Variants in LTBP4 observed in about 807,000 individuals in gnomAD.
The protein encoded by LTBP4 is latent transforming growth factor beta binding protein 4, also known as latent-transforming growth factor beta-binding protein 4.
LTBP4 carries 93 observed loss-of-function variants against 180.2 expected under a neutral mutation model. The ratio of observed to expected loss-of-function variants is 0.52; its 90% CI spans 0.44 to 0.61. The LOEUF is 0.61. Among genes scored for constraint, LTBP4 ranks in the 20% least tolerant of loss-of-function variants. The pLI, the probability that LTBP4 is intolerant of heterozygous loss-of-function variation, is 0.00. For synonymous variants in LTBP4, 947 were observed against 934.5 expected (o/e 1.01, Z -0.24); for missense variants, 2,116 against 2,256.5 (o/e 0.94, Z 1.26).
Position 40,622,866 on chromosome 19 carries a change from G to T in LTBP4, c.3485-84G>T. 1 of 1,462,768 alleles carries T rather than the reference G, an allele frequency of 6.8e-7. No individual in the cohort carries two copies. The highest frequency in any genetic ancestry group is 1.2e-5 in the South Asian group (1 of 81,158). The allele number at this position is 1,462,768 out of a possible 1,614,324, so 90.6% of individuals were successfully genotyped here. ...GCACTAACAGGCACAGGGCCAGAGGGACTTTTGTGACAAGTGGGCACGAGC... is the reference window on the plus strand; with the variant it reads ...GCACTAACAGGCACAGGGCCAGAGGTACTTTTGTGACAAGTGGGCACGAGC... On this transcript the variant is annotated intron_variant, in intron 23 of 29. Coordinates refer to ENST00000396819, the MANE Select transcript of LTBP4 (RefSeq NM_001042545.2). The surrounding 1 kb of genome is among the most constrained non-coding windows in gnomAD (Gnocchi z 5.1).
In LTBP4 at chr19:40,613,466, G is replaced by A. The variant is rs770789022; in HGVS notation, c.2494G>A (p.Gly832Ser). 1.3e-6 allele frequency: 2 copies of A among 1,597,184 alleles called. No individual in the cohort carries two copies. The highest frequency in any genetic ancestry group is 1.7e-6 in the Non-Finnish European group (2 of 1,172,410). The change falls in exon 17 of 30, where the codon GGC (glycine) becomes AGC (serine). Residue 832 changes from glycine (G) to serine (S), a missense_variant. Around this residue, in one of 5 missense-constraint regions of LTBP4, gnomAD observed 877 missense variants for 873.6 expected, o/e 1.00. Coordinates refer to ENST00000396819, the MANE Select transcript of LTBP4 (RefSeq NM_001042545.2). The surrounding 1 kb of genome is among the most constrained non-coding windows in gnomAD (Gnocchi z 5.0). ...FPHGECLNTD[G>S]SFACTCAPGY... ...TCACGGCGAGTGCCTCAACACTGAC[G>A]GCTCCTTTGCCTGTACTTGTGCCCC...
chr19:40,627,178 G>T lies in LTBP4; in HGVS notation c.4189G>T (p.Ala1397Ser). ...PPPGPFARRE[A>S]PYGAPRFDMP... ...ACCTGGGCCCTTCGCCCGCCGGGAG[G>T]CTCCTTATGGGGCACCCCGCTTCGA... The change falls in exon 28 of 30, where the codon GCT becomes TCT. Residue 1397 changes from alanine (A) to serine (S), a missense_variant. Ala to Ser is a moderately conservative substitution (Grantham distance 99). This residue lies in a region of LTBP4 where 488 missense variants were observed against 458.8 expected (regional missense o/e 1.06). Transcript: ENST00000396819. 1.9e-6 allele frequency: 3 copies of T among 1,613,144 alleles called. No homozygotes were observed. Among genetic ancestry groups the T allele is most frequent in the Non-Finnish European group, 8.5e-7 (1 of 1,179,638 alleles).
In LTBP4 at chr19:40,627,334, C is replaced by G. The variant is rs1015881478; in HGVS notation, c.4345C>G (p.Pro1449Ala). Residue 1449 changes from proline to alanine, a missense_variant, in exon 28 of 30, where the codon CCT becomes GCT. Physicochemically the swap from Pro to Ala is conservative, Grantham distance 27. Coordinates refer to ENST00000396819, the MANE Select transcript of LTBP4 (RefSeq NM_001042545.2). Reference protein sequence around the residue: ...RRSFPEPEEPPEGGSYAGSLA... With the variant: ...RRSFPEPEEPAEGGSYAGSLA... ...CTCCTTCCCAGAGCCCGAGGAGCCT[C>G]CTGAAGGTGGAAGCTATGCTGGTGA... The G allele has an allele frequency of 6.6e-7, 1 of 1,515,624 alleles. No individual in the cohort carries two copies. Among genetic ancestry groups the G allele is most frequent in the South Asian group, 1.2e-5 (1 of 80,154 alleles). The allele number at this position is 1,515,624 out of a possible 1,614,324, so 93.9% of individuals were successfully genotyped here. A position where few individuals can be genotyped will look rare whatever the true frequency, so the allele number is the denominator to read the frequency against.
At chr19:40,617,071 G>T (rs772727846) in intron 20 of LTBP4, 29 bp from the exon 21 acceptor site, 10 of 1,613,912 alleles carry the variant, frequency 6.2e-6, no homozygotes, top group Non-Finnish European at 8.5e-6. Flanking sequence ...AGAAGGTCCA[G>T]AAATGGCCTG....
At position 40,619,347 on chromosome 19, in the gene LTBP4, A is replaced by T; in HGVS notation, c.3071A>T (p.Asp1024Val). ...CTCCCCTGTTGTCTCCTGCTTACAGATGTGAACGAGTGTGAAACACTACAG... is the reference window on the plus strand; with the variant it reads ...CTCCCCTGTTGTCTCCTGCTTACAGTTGTGAACGAGTGTGAAACACTACAG... The part of the protein sequence containing the change: ...EGARDGRHCV[D>V]VNECETLQGV... Residue 1024 changes from aspartate (D) to valine (V), a missense_variant and splice_region_variant, in exon 22 of 30, where the codon GAT (aspartate) becomes GTT (valine). By Grantham distance (152) the Asp-to-Val change is radical. Coordinates refer to ENST00000396819, the MANE Select transcript of LTBP4 (RefSeq NM_001042545.2). The T allele has an allele frequency of 6.2e-7, 1 of 1,613,490 alleles. No homozygotes were observed. The highest frequency in any genetic ancestry group is 8.5e-7 in the Non-Finnish European group (1 of 1,179,558).
In LTBP4 at chr19:40,609,776, C is replaced by T. The variant is rs759904181; in HGVS notation, c.1589C>T (p.Pro530Leu). The T allele has an allele frequency of 8.7e-6, 14 of 1,612,022 alleles. No homozygotes were observed. The highest frequency in any genetic ancestry group is 1.0e-5 in the Non-Finnish European group (12 of 1,178,992). ...GACGAATGTCGCCGCGTGCCCCCGC[C>T]CTGTGCTCCCGGGCGCTGCGAGAAC... is the stretch of plus-strand genomic sequence containing the variant. ...DVDECRRVPP[P>L]CAPGRCENSP... The change falls in exon 11 of 30, where the codon CCC becomes CTC. Residue 530 changes from proline (P) to leucine (L), a missense_variant. By Grantham distance (98) the Pro-to-Leu change is moderately conservative. Coordinates refer to ENST00000396819, the MANE Select transcript of LTBP4 (RefSeq NM_001042545.2). This position sits in a 1 kb window ranked among gnomAD's most constrained non-coding sequence, Gnocchi z 4.9.
chr19:40,621,580 A>G (rs1273797236), intron 22 of LTBP4, among the ~76,000 whole-genome samples: 1 of 152,026 alleles, frequency 6.6e-6, no homozygotes, highest in Non-Finnish European at 1.5e-5. Flanking sequence ...GGAGGCTGGG[A>G]GCTCAGGGAA....
chr19:40,627,861 A>C lies in LTBP4; in HGVS notation c.4519+4A>C. 2 of 1,559,184 alleles carry C rather than the reference A, an allele frequency of 1.3e-6. No individual in the cohort carries two copies. Among genetic ancestry groups the C allele is most frequent in the Non-Finnish European group, 1.7e-6 (2 of 1,158,764 alleles). On this transcript the variant is annotated splice_donor_region_variant and intron_variant, in intron 29 of 29. Transcript: ENST00000396819. ...ATGACCCGCATGGCCTGCGTTGGTG[A>C]GGGCGGGCCCGGGGCCAGCATGCGC...
At chr19:40,623,806 T>C in intron 25 of LTBP4, 74 bp downstream of exon 25, 1 of 1,601,128 alleles carries the variant, frequency 6.2e-7, no homozygotes, top group Non-Finnish European at 8.6e-7. Context: ...CTCTGGAATG[T>C]GGCCACCACC....
rs904645684 is a variant in LTBP4, at chr19:40,627,240, C to T, written c.4251C>T (p.Gly1417=). Residue 1417 remains glycine, a synonymous_variant, in exon 28 of 30, where the codon GGC becomes GGT. Coordinates refer to ENST00000396819, the MANE Select transcript of LTBP4 (RefSeq NM_001042545.2). Reference sequence around the variant, plus strand: ...TTGAGGACGATGGTGGCCCCTATGGCGAATCTGAGGCTCCTGCGCCACCTG... The same window carrying T: ...TTGAGGACGATGGTGGCCCCTATGGTGAATCTGAGGCTCCTGCGCCACCTG... ...PDFEDDGGPY[G]ESEAPAPPGP... is the part of the protein sequence containing the mutation. The T allele has an allele frequency of 3.1e-6, 5 of 1,596,930 alleles. No homozygotes were observed. Among genetic ancestry groups the T allele is most frequent in the Admixed American group, 1.7e-5 (1 of 58,000 alleles).
Position 40,610,633 on chromosome 19 carries a change from G to GCACC in LTBP4, c.1787_1790dup (p.His598ThrfsTer11). ...CGTGTGCCCCGCCGGGTACCAGGCTGCACCGCACGGAGCCAGCTGCCAGGG... is the reference window on the plus strand; with the variant it reads ...CGTGTGCCCCGCCGGGTACCAGGCTGCACCCACCGCACGGAGCCAGCTGCCAGGG... On this transcript the variant is annotated frameshift_variant, in exon 12 of 30. Coordinates refer to ENST00000396819, the MANE Select transcript of LTBP4 (RefSeq NM_001042545.2). LOFTEE classifies it high-confidence loss of function. 6.3e-7 allele frequency: 1 copy of GCACC among 1,584,496 alleles called. No homozygotes were observed. Among genetic ancestry groups the GCACC allele is most frequent in the South Asian group, 1.1e-5 (1 of 89,096 alleles).
chr19:40,613,013 G>C lies in LTBP4; in HGVS notation c.2300-52G>C, dbSNP rs1402120666. 33 of 1,583,972 alleles carry C rather than the reference G, an allele frequency of 2.1e-5. No homozygotes were observed. In the East Asian group the frequency reaches 6.7e-4, roughly 32 times the overall value. The stretch of plus-strand genomic sequence containing the variant: ...CAGACACCCTACTCCAAGGGGATTG[G>C]TCGGGTGTGTCCCGAGACTGGACCC... On this transcript the variant is annotated intron_variant, in intron 15 of 29. Transcript: ENST00000396819. The surrounding 1 kb of genome is among the most constrained non-coding windows in gnomAD (Gnocchi z 5.0).
intron 6 of LTBP4, 93 bp from the exon 7 acceptor site, chr19:40,607,272 C>G: frequency 1.2e-6 from 1 of 801,362 alleles, no homozygotes; most frequent in Non-Finnish European, 1.8e-6. Flanking sequence ...CCCCCCACCC[C>G]CAACCCCAGA....
At chr19:40,606,382 G>T (rs761762436) in intron 5 of LTBP4, 22 bp from the exon 6 acceptor site, 1 of 1,607,020 alleles carries the variant, frequency 6.2e-7, no homozygotes, top group Non-Finnish European at 8.5e-7. Flanking sequence ...TGACTCCACG[G>T]TGACCTCCCC....
At chr19:40,623,064 C>T in intron 24 of LTBP4, 43 bp downstream of exon 24, 1 of 1,483,296 alleles carries the variant, frequency 6.7e-7, no homozygotes, top group Non-Finnish European at 9.1e-7. Context: ...AGCTCTGAGG[C>T]CCAGCTTCGT....
chr19:40,626,166 G>A (rs1434234335), intron 27 of LTBP4, among the ~76,000 whole-genome samples, 157 bp downstream of exon 27: 3 of 151,990 alleles, frequency 2.0e-5, no homozygotes, highest in South Asian at 4.2e-4. Flanking sequence ...CTTGGTCCCC[G>A]ATTCACACTC....
At chr19:40,618,954 T>G (rs1471389332) in intron 21 of LTBP4, among the ~76,000 whole-genome samples, 1 of 152,172 alleles carries the variant, frequency 6.6e-6, no homozygotes, top group Admixed American at 6.5e-5. Context: ...CTAGAACCTC[T>G]GGGCTAACAT....
At position 40,613,669 on chromosome 19, in the gene LTBP4, G is replaced by A. The variant is rs1251124779; in HGVS notation, c.2557+140G>A. ...CAGGATCAGGGGGCAGCTGGTGGGA[G>A]TCTCGAGGCAGTGAGGGGGGGCGGG... On this transcript the variant is annotated intron_variant, in intron 17 of 29. Transcript: ENST00000396819. The surrounding 1 kb of genome is among the most constrained non-coding windows in gnomAD (Gnocchi z 5.0). 1 of 1,389,224 alleles carries A rather than the reference G, an allele frequency of 7.2e-7. No individual in the cohort carries two copies. The highest frequency in any genetic ancestry group is 1.2e-5 in the South Asian group (1 of 80,016). The allele number at this position is 1,389,224 out of a possible 1,614,324, so 86.1% of individuals were successfully genotyped here.
chr19:40,620,219 CG>C (rs2081576590), intron 22 of LTBP4, among the ~76,000 whole-genome samples: 1 of 148,814 alleles, frequency 6.7e-6, no homozygotes, highest in Non-Finnish European at 1.5e-5. Flanking sequence ...GGGGTTTCGG[CG>C]TTTTTTTTTT....
Sources: gnomAD v4.1 joint callset for allele counts (sites outside exome capture counted in the v4.1 genomes callset) on GRCh38, gnomAD v4.1.1 for gene constraint, gnomAD v4.1.1 regional missense constraint, Gnocchi (gnomAD v3.1) non-coding constraint, MANE v1.5 for transcripts, NCBI Gene and HGNC (gene_info 2026-07-23, HGNC 2026-07-21) for gene names.